Variants in PIP5K1C observed in about 807,000 individuals in gnomAD.
The protein encoded by PIP5K1C is phosphatidylinositol 4-phosphate 5-kinase type-1 gamma.
Under a neutral mutation model 80.1 loss-of-function variants are expected in PIP5K1C, and 45 were observed. The ratio of observed to expected loss-of-function variants is 0.56; its 90% CI spans 0.44 to 0.72. The LOEUF (loss-of-function observed/expected upper bound fraction) is 0.72, where lower values mean the gene tolerates loss of function less well. Among genes scored for constraint, PIP5K1C ranks in the 30% least tolerant of loss-of-function variants. PIP5K1C has a pLI of 0.00. For missense variants in PIP5K1C, 753 were observed against 954.6 expected, an observed-to-expected ratio of 0.79 and a Z score of 2.78; for synonymous variants, 498 against 420.1, an observed-to-expected ratio of 1.19 and a Z score of -2.27.
intron 1 of PIP5K1C, among the ~76,000 whole-genome samples, chr19:3,695,828 A>G (rs2036085378): frequency 6.7e-6 from 1 of 150,218 alleles, no homozygotes; most frequent in South Asian, 2.1e-4. Context: ...GGCTCAGGTG[A>G]TCCTCCTGCC....
At chr19:3,693,931 G>T (rs1196000785) in intron 1 of PIP5K1C, among the ~76,000 whole-genome samples, 1 of 151,638 alleles carries the variant, frequency 6.6e-6, no homozygotes, top group Non-Finnish European at 1.5e-5. Flanking sequence ...ATTTAAAAGA[G>T]GCTGGGCGCG....
At chr19:3,656,643 G>A in intron 5 of PIP5K1C, 86 bp from the exon 6 acceptor site, 1 of 1,481,686 alleles carries the variant, frequency 6.7e-7, no homozygotes. Flanking sequence ...ACAGCCCCAG[G>A]AACTGATGAC....
chr19:3,650,782 G>GT (rs951332744), intron 8 of PIP5K1C, among the ~76,000 whole-genome samples: 24 of 152,150 alleles, frequency 1.6e-4, no homozygotes, highest in African/African-American at 4.6e-4. Context: ...TTTGGACAGA[G>GT]TTTAGCTCTT....
chr19:3,636,408 T>C (rs2033688597), intron 16 of PIP5K1C: 2 of 985,338 alleles, frequency 2.0e-6, no homozygotes, highest in Admixed American at 6.1e-5. Flanking sequence ...CCGCTTCTGC[T>C]GTGCCTGCTG....
intron 1 of PIP5K1C, among the ~76,000 whole-genome samples, chr19:3,690,850 G>A (rs1257842566): frequency 1.3e-5 from 2 of 152,200 alleles, no homozygotes; most frequent in Non-Finnish European, 2.9e-5. Context: ...CCTGACGTGT[G>A]TGCTTACAAG....
intron 1 of PIP5K1C, among the ~76,000 whole-genome samples, chr19:3,670,493 C>T (rs1054794121): frequency 2.0e-5 from 3 of 152,162 alleles, no homozygotes; most frequent in Non-Finnish European, 4.4e-5. Flanking sequence ...GGAGCTTCTC[C>T]GAGGTCGGTC....
intron 7 of PIP5K1C, 69 bp downstream of exon 7, chr19:3,653,221 C>T: frequency 1.3e-6 from 2 of 1,484,182 alleles, no homozygotes; most frequent in East Asian, 2.3e-5. Flanking sequence ...GCCCTGCCTG[C>T]CCAGGCCGAG....
chr19:3,650,966 G>A (rs1241533721), intron 8 of PIP5K1C, among the ~76,000 whole-genome samples: 1 of 151,900 alleles, frequency 6.6e-6, no homozygotes, highest in Non-Finnish European at 1.5e-5. Context: ...ATGTTGGCCA[G>A]GCTGGTCTGG....
At chr19:3,684,224 C>G (rs1314168371) in intron 1 of PIP5K1C, among the ~76,000 whole-genome samples, 1 of 152,168 alleles carries the variant, frequency 6.6e-6, no homozygotes, top group African/African-American at 2.4e-5. Flanking sequence ...CACGCATGAG[C>G]ATTTCTTTGC....
intron 12 of PIP5K1C, 102 bp from the exon 13 acceptor site, chr19:3,643,483 G>C: frequency 7.2e-7 from 1 of 1,393,350 alleles, no homozygotes; most frequent in Non-Finnish European, 9.8e-7. Context: ...CCACAGCCCA[G>C]TGCCCGCCCG....
Position 3,696,320 on chromosome 19 carries a change from G to A in PIP5K1C, c.94+3977C>T, listed in dbSNP as rs902979294. Among the ~76,000 whole-genome samples, 7 of 152,238 alleles carry A rather than the reference G, an allele frequency of 4.6e-5. No homozygotes were observed. Among genetic ancestry groups the A allele is most frequent in the Admixed American group, 2.6e-4 (4 of 15,286 alleles). On this transcript the variant is annotated intron_variant, in intron 1 of 17. Coordinates refer to ENST00000335312, the MANE Select transcript of PIP5K1C (RefSeq NM_012398.3). The surrounding 1 kb of genome is among the most constrained non-coding windows in gnomAD (Gnocchi z 4.1). ...TGCACTGTGCTGAGCTCTTCCGGGC[G>A]CAGGGGATGCCGCAGGAGTGGCACA... is the stretch of plus-strand genomic sequence containing the variant.
rs1008787528 is a variant in PIP5K1C at position 3,638,757 on chromosome 19, G to C, written c.1920+127C>G. 5 of 994,566 alleles carry C rather than the reference G, an allele frequency of 5.0e-6. No individual in the cohort carries two copies. The African/African-American group carries it at 8.1e-5, about 16-fold the overall frequency. The allele number at this position is 994,566 out of a possible 1,614,324, so 61.6% of individuals were successfully genotyped here. A position where few individuals can be genotyped will look rare whatever the true frequency, so the allele number is the denominator to read the frequency against. The stretch of plus-strand genomic sequence containing the variant: ...GTGCTGGCTGGTGAGAGAGCATGTG[G>C]GTGGGTCGACAGGGCACACTCACGT... On this transcript the variant is annotated intron_variant, in intron 16 of 17. Coordinates refer to ENST00000335312, the MANE Select transcript of PIP5K1C (RefSeq NM_012398.3).
At chr19:3,638,126 C>A (rs146159111) in intron 16 of PIP5K1C, 2 of 1,306,392 alleles carry the variant, frequency 1.5e-6, no homozygotes, top group African/African-American at 3.0e-5. Context: ...GAGAACAAAC[C>A]ATCTGGGAAG....
intron 1 of PIP5K1C, among the ~76,000 whole-genome samples, chr19:3,681,376 G>A (rs1411810618): frequency 2.6e-5 from 4 of 151,828 alleles, no homozygotes; most frequent in East Asian, 1.9e-4. Context: ...GATTACAGGC[G>A]TTCACCACTA....
At chr19:3,646,102 C>T (rs1340572073) in intron 10 of PIP5K1C, 44 bp from the exon 11 acceptor site, 2 of 1,229,456 alleles carry the variant, frequency 1.6e-6, no homozygotes, top group East Asian at 4.6e-5. Flanking sequence ...GAGGGTGCAT[C>T]AATCAACAGC....
At chr19:3,645,663 C>G (rs543193689) in intron 11 of PIP5K1C, among the ~76,000 whole-genome samples, 1 of 152,382 alleles carries the variant, frequency 6.6e-6, no homozygotes, top group Admixed American at 6.5e-5. Context: ...ACACTGTACC[C>G]TCACAGTGCT....
chr19:3,662,140 G>A (rs940690657), intron 3 of PIP5K1C, 139 bp from the exon 4 acceptor site: 75 of 1,058,378 alleles, frequency 7.1e-5, no homozygotes, highest in African/African-American at 3.8e-4. Context: ...GGTGGTCCCC[G>A]GGGCTGCCTG....
At chr19:3,677,935 G>A (rs2145558994) in intron 1 of PIP5K1C, among the ~76,000 whole-genome samples, 1 of 136,642 alleles carries the variant, frequency 7.3e-6, no homozygotes, top group Non-Finnish European at 1.6e-5. Context: ...GATGGAGAAT[G>A]GAGGGATGGA....
intron 1 of PIP5K1C, among the ~76,000 whole-genome samples, chr19:3,675,514 T>C (rs1037088423): frequency 6.6e-6 from 1 of 152,182 alleles, no homozygotes; most frequent in Non-Finnish European, 1.5e-5. Flanking sequence ...CCAAGGCTTT[T>C]GTGAAACGCA....
Sources: allele counts gnomAD v4.1 joint callset (sites outside exome capture counted in the v4.1 genomes callset), GRCh38; gene constraint gnomAD v4.1.1; non-coding constraint Gnocchi (gnomAD v3.1); transcripts MANE v1.5; gene names NCBI Gene and HGNC (gene_info 2026-07-23, HGNC 2026-07-21).